EPB41L4A: variants seen among roughly 807,000 people sequenced by gnomAD.
EPB41L4A encodes band 4.1-like protein 4A.
In EPB41L4A, 100 loss-of-function variants were observed where a neutral mutation model predicts 108.6. The observed-to-expected ratio is 0.92, with a 90% CI of 0.78 to 1.09. The LOEUF (loss-of-function observed/expected upper bound fraction) is 1.09, where lower values mean the gene tolerates loss of function less well. Among genes scored for constraint, EPB41L4A ranks in the 50% least tolerant of loss-of-function variants. EPB41L4A has a pLI of 0.00. For missense variants in EPB41L4A, 1,030 were observed against 842.7 expected, an observed-to-expected ratio of 1.22 and a Z score of -2.75; for synonymous variants, 319 against 289.0, an observed-to-expected ratio of 1.10 and a Z score of -1.05.
At chr5:112,203,898 G>A (rs1332312775) in intron 15 of EPB41L4A, among the ~76,000 whole-genome samples, 3 of 151,946 alleles carry the variant, frequency 2.0e-5, no homozygotes, top group Non-Finnish European at 2.9e-5. Context: ...AATCAGCCGG[G>A]CGTGGCAGCA....
At chr5:112,168,953 G>T in intron 21 of EPB41L4A, 42 bp downstream of exon 21, 2 of 1,530,280 alleles carry the variant, frequency 1.3e-6, no homozygotes, top group African/African-American at 1.4e-5. Context: ...GCACTGTTTT[G>T]GAGCCATGAT....
intron 15 of EPB41L4A, among the ~76,000 whole-genome samples, chr5:112,196,398 C>T (rs1078128): frequency 0.78 from 119,285 of 152,228 alleles, 47,386 homozygotes; most frequent in East Asian, 1. Flanking sequence ...CGAATTAATA[C>T]ATTTAAAATG....
chr5:112,204,079 T>C (rs1304271732), intron 15 of EPB41L4A, among the ~76,000 whole-genome samples: 1 of 150,678 alleles, frequency 6.6e-6, no homozygotes, highest in African/African-American at 2.4e-5. Context: ...TGTAATATAC[T>C]ATATATAATA....
chr5:112,281,578 C>T (rs1215765988), intron 2 of EPB41L4A, among the ~76,000 whole-genome samples: 1 of 152,180 alleles, frequency 6.6e-6, no homozygotes, highest in East Asian at 1.9e-4. Context: ...TCCATTTCCT[C>T]GTGCTCCTTA....
intron 12 of EPB41L4A, among the ~76,000 whole-genome samples, chr5:112,224,119 T>C (rs1748280909): frequency 1.3e-5 from 2 of 152,216 alleles, no homozygotes; most frequent in Non-Finnish European, 2.9e-5. Context: ...GTCCGGCTAA[T>C]TTTTGTATTT....
At chr5:112,296,867 T>C (rs1260975351) in intron 2 of EPB41L4A, among the ~76,000 whole-genome samples, 1 of 152,152 alleles carries the variant, frequency 6.6e-6, no homozygotes, top group African/African-American at 2.4e-5. Context: ...TATTTGTTTT[T>C]CCATTCCTGA....
chr5:112,161,567 C>T (rs762204552), downstream of EPB41L4A: 10 of 519,228 alleles, frequency 1.9e-5, no homozygotes, highest in South Asian at 1.4e-4. Context: ...GCAGCCTTTT[C>T]CTGCCCTTAA....
intron 2 of EPB41L4A, among the ~76,000 whole-genome samples, chr5:112,292,122 T>C (rs186295614): frequency 6.6e-6 from 1 of 152,322 alleles, no homozygotes; most frequent in East Asian, 1.9e-4. Flanking sequence ...GTCTCACCCC[T>C]GGAAATAAAC....
At chr5:112,345,780 TACACACACACACACAC>T (rs60638685) in intron 1 of EPB41L4A, among the ~76,000 whole-genome samples, 3 of 74,604 alleles carry the variant, frequency 4.0e-5, no homozygotes, top group African/African-American at 1.4e-4. Context: ...TATATATATA[TACACACACACACACAC>T]ACACACACAC....
chr5:112,398,077 G>A (rs78942677), intron 1 of EPB41L4A, among the ~76,000 whole-genome samples: 380 of 152,280 alleles, frequency 2.5e-3, no homozygotes, highest in Middle Eastern at 6.8e-3. Flanking sequence ...ATACAATGAT[G>A]CATAAAACAA....
At chr5:112,401,334 T>A (rs935098004) in intron 1 of EPB41L4A, among the ~76,000 whole-genome samples, 4 of 152,216 alleles carry the variant, frequency 2.6e-5, no homozygotes, top group Non-Finnish European at 5.9e-5. Flanking sequence ...GCATCAAACA[T>A]GCATTTAACG....
At chr5:112,290,752 T>C (rs907693602) in intron 2 of EPB41L4A, among the ~76,000 whole-genome samples, 4 of 152,214 alleles carry the variant, frequency 2.6e-5, no homozygotes, top group African/African-American at 9.6e-5. Flanking sequence ...TCATTTAAAC[T>C]CTGTCCTAGA....
At chr5:112,236,722 C>T (rs1284732552) in intron 11 of EPB41L4A, among the ~76,000 whole-genome samples, 1 of 152,140 alleles carries the variant, frequency 6.6e-6, no homozygotes, top group Non-Finnish European at 1.5e-5. Context: ...GCCCCTTCAG[C>T]CTCTAAGTGA....
chr5:112,225,851 G>A (rs866814527), intron 12 of EPB41L4A, among the ~76,000 whole-genome samples: 1 of 152,162 alleles, frequency 6.6e-6, no homozygotes, highest in African/African-American at 2.4e-5. Flanking sequence ...GACTGTAACT[G>A]ACCTGTGTTC....
chr5:112,215,074 A>T (rs1280285193), intron 12 of EPB41L4A, among the ~76,000 whole-genome samples: 1 of 152,206 alleles, frequency 6.6e-6, no homozygotes, highest in Non-Finnish European at 1.5e-5. Context: ...AATGTCTATT[A>T]TTAGAAAGGA....
In EPB41L4A at chr5:112,170,299, ACT is replaced by A; in HGVS notation, c.1739_1739+1del. 6.2e-7 allele frequency: 1 copy of A among 1,612,440 alleles called. No individual in the cohort carries two copies. The highest frequency in any genetic ancestry group is 8.5e-7 in the Non-Finnish European group (1 of 1,179,282). The stretch of plus-strand genomic sequence containing the variant: ...GGTGAGAAGATTCTGAAAGGCACTC[ACT>A]CTATTTTAGTGTATGGAATCTCTTT... On this transcript the variant is annotated splice_donor_variant and coding_sequence_variant, in exon 20 of 23. Transcript: ENST00000261486. LOFTEE classifies it high-confidence loss of function.
chr5:112,273,952 T>C (rs1252670546), intron 4 of EPB41L4A, among the ~76,000 whole-genome samples: 1 of 151,964 alleles, frequency 6.6e-6, no homozygotes, highest in African/African-American at 2.4e-5. Context: ...TCATTAACAA[T>C]GTGATAATGA....
chr5:112,208,274 C>G (rs1479502695), intron 13 of EPB41L4A, among the ~76,000 whole-genome samples: 1 of 142,982 alleles, frequency 7.0e-6, no homozygotes, highest in Non-Finnish European at 1.5e-5. Flanking sequence ...GACACATACA[C>G]TTACATGCTC....
intron 12 of EPB41L4A, among the ~76,000 whole-genome samples, chr5:112,211,841 G>C (rs1341397340): frequency 1.3e-5 from 2 of 152,202 alleles, no homozygotes; most frequent in African/African-American, 4.8e-5. Context: ...TAAGGCATTT[G>C]ACATGGGATT....
Sources: allele counts gnomAD v4.1 joint callset (sites outside exome capture counted in the v4.1 genomes callset), GRCh38; gene constraint gnomAD v4.1.1; transcripts MANE v1.5; gene names NCBI Gene and HGNC (gene_info 2026-07-23, HGNC 2026-07-21).